AOAH: variants seen among roughly 807,000 people sequenced by gnomAD.
The protein encoded by AOAH is acyloxyacyl hydrolase.
In AOAH, 64 loss-of-function variants were observed where a neutral mutation model predicts 92.2. That is an observed-to-expected ratio of 0.69 (90% CI 0.57 to 0.86). The LOEUF (loss-of-function observed/expected upper bound fraction) is 0.86. AOAH is among the 40% of genes least tolerant of loss of function. AOAH has a pLI of 0.00. For missense variants in AOAH, 656 were observed against 694.6 expected (o/e 0.94, Z 0.62); for synonymous variants, 263 against 254.5 (o/e 1.03, Z -0.32).
At chr7:36,721,080 G>C (rs1226639613) in intron 1 of AOAH, among the ~76,000 whole-genome samples, 1 of 152,060 alleles carries the variant, frequency 6.6e-6, no homozygotes, top group Non-Finnish European at 1.5e-5. Context: ...TACACCCCAG[G>C]ATCCCGTATC....
chr7:36,640,204 A>T (rs1793809959), intron 4 of AOAH, among the ~76,000 whole-genome samples: 1 of 152,166 alleles, frequency 6.6e-6, no homozygotes, highest in Non-Finnish European at 1.5e-5. Flanking sequence ...GAGTGGGAAC[A>T]GAGTCCTGAT....
chr7:36,594,513 G>A (rs1446128710), intron 11 of AOAH, 83 bp from the exon 12 acceptor site: 2 of 1,135,730 alleles, frequency 1.8e-6, no homozygotes, highest in East Asian at 4.9e-5. Flanking sequence ...CCTGAGTGTT[G>A]CTCTCTGTGT....
chr7:36,548,618 C>A lies in AOAH; in HGVS notation c.1127G>T (p.Cys376Phe). ...CTTTTTCTCAATAACTCACCCACTG[C>A]AGACATCATTTCCAATCATGGCATA... ...VIYAMIGNDV[C>F]SGKSDPVPAM... The change falls in exon 15 of 21, where the codon TGC becomes TTC. Residue 376 changes from cysteine (C) to phenylalanine (F), a missense_variant. By Grantham distance (205) the Cys-to-Phe change is radical. Transcript: ENST00000617537. 6.2e-7 allele frequency: 1 copy of A among 1,613,394 alleles called. No individual in the cohort carries two copies. The highest frequency in any genetic ancestry group is 8.5e-7 in the Non-Finnish European group (1 of 1,179,418).
intron 12 of AOAH, among the ~76,000 whole-genome samples, chr7:36,587,667 C>T (rs1252402067): frequency 6.6e-6 from 1 of 152,078 alleles, no homozygotes; most frequent in Non-Finnish European, 1.5e-5. Flanking sequence ...CTACATATCA[C>T]ATTAGAAGAG....
At position 36,724,143 on chromosome 7, in the gene AOAH, C is replaced by T. The variant is rs149026099; in HGVS notation, c.6G>A (p.Gln2=). Residue 2 remains glutamine, a synonymous_variant, in exon 1 of 21, where the codon CAG becomes CAA. Coordinates refer to ENST00000617537, the MANE Select transcript of AOAH (RefSeq NM_001637.4). M[Q]SPWKILTVAP... ...CCACCGTAAGGATTTTCCAGGGGGACTGCATCTCCGAGCTATGCACCCCAA... is the reference window on the plus strand; with the variant it reads ...CCACCGTAAGGATTTTCCAGGGGGATTGCATCTCCGAGCTATGCACCCCAA... 788 of 1,613,182 alleles carry T rather than the reference C, an allele frequency of 4.9e-4. 7 individuals carry two copies. The East Asian group carries it at 0.016, about 33-fold the overall frequency.
intron 13 of AOAH, among the ~76,000 whole-genome samples, chr7:36,573,234 G>A (rs1020170503): frequency 6.6e-6 from 1 of 152,168 alleles, no homozygotes; most frequent in Non-Finnish European, 1.5e-5. Context: ...CAGTTCTTGG[G>A]TCCTTCCCTC....
At chr7:36,541,435 A>C (rs1785417576) in intron 15 of AOAH, among the ~76,000 whole-genome samples, 1 of 152,256 alleles carries the variant, frequency 6.6e-6, no homozygotes, top group South Asian at 2.1e-4. Context: ...GAAAGTGACG[A>C]ATCTTTACCC....
At chr7:36,612,494 C>A (rs189497046) in intron 11 of AOAH, among the ~76,000 whole-genome samples, 3 of 152,220 alleles carry the variant, frequency 2.0e-5, no homozygotes, top group Admixed American at 6.5e-5. Flanking sequence ...TAAATAAATA[C>A]CTCTGTGATG....
chr7:36,621,351 C>T (rs61009064), intron 8 of AOAH, among the ~76,000 whole-genome samples: 5,043 of 152,240 alleles, frequency 0.033, 283 homozygotes, highest in African/African-American at 0.11. Flanking sequence ...ATTTCTGGGC[C>T]CAATTCTGCA....
intron 15 of AOAH, among the ~76,000 whole-genome samples, chr7:36,542,880 AC>A (rs1454407231): frequency 1.3e-5 from 2 of 152,246 alleles, no homozygotes; most frequent in African/African-American, 4.8e-5. Flanking sequence ...GGTTAGTCTT[AC>A]ATTATGTGAA....
chr7:36,598,169 T>C (rs770208000), intron 11 of AOAH: 9 of 152,160 alleles, frequency 5.9e-5, no homozygotes, highest in Non-Finnish European at 1.3e-4. Flanking sequence ...ACCTGGGAGA[T>C]TCCTGGAATC....
chr7:36,542,283 G>A (rs1785473651), intron 15 of AOAH, among the ~76,000 whole-genome samples: 1 of 152,188 alleles, frequency 6.6e-6, no homozygotes, highest in Non-Finnish European at 1.5e-5. Context: ...TTTCCCTGGA[G>A]CTTTCAGAGG....
rs1271415735 is a variant in AOAH at position 36,648,705 on chromosome 7, G to C, written c.390+10461C>G. 2.0e-5 allele frequency among the ~76,000 whole-genome samples: 3 copies of C among 150,720 alleles called. No individual in the cohort carries two copies. The East Asian group carries it at 5.8e-4, about 29-fold the overall frequency. On this transcript the variant is annotated intron_variant, in intron 4 of 20. Transcript: ENST00000617537. ...GCTATAAGGTATAGATAAACATCTA[G>C]CTTAAATTTTTTTCAAATGTCTAGT...
chr7:36,522,003 A>T, intron 20 of AOAH, 36 bp downstream of exon 20: 1 of 1,566,040 alleles, frequency 6.4e-7, no homozygotes. Flanking sequence ...CAAACCATCA[A>T]ATAGCCTTCT....
intron 2 of AOAH, among the ~76,000 whole-genome samples, chr7:36,684,403 C>T (rs907515082): frequency 6.6e-6 from 1 of 152,122 alleles, no homozygotes; most frequent in Non-Finnish European, 1.5e-5. Context: ...AATGCACTAC[C>T]TTGAAAACTG....
rs546599904 is a variant in AOAH, at chr7:36,566,707, C to A, written c.1021+9867G>T. Among the ~76,000 whole-genome samples, 8 of 152,254 alleles carry A rather than the reference C, an allele frequency of 5.3e-5. No homozygotes were observed. The East Asian group carries it at 1.5e-3, about 29-fold the overall frequency. On this transcript the variant is annotated intron_variant, in intron 13 of 20. Coordinates refer to ENST00000617537, the MANE Select transcript of AOAH (RefSeq NM_001637.4). ...AGTCGGGTGAGTGGACTCAAGCATG[C>A]ACACTGAGAGGCAACATGGTGGCAT...
At chr7:36,593,104 C>T (rs1789863677) in intron 12 of AOAH, among the ~76,000 whole-genome samples, 1 of 152,272 alleles carries the variant, frequency 6.6e-6, no homozygotes, top group Non-Finnish European at 1.5e-5. Flanking sequence ...TTCCTCGGAG[C>T]CCCGTGGCTC....
intron 11 of AOAH, among the ~76,000 whole-genome samples, chr7:36,598,682 A>AT (rs1392193208): frequency 6.6e-6 from 1 of 152,234 alleles, no homozygotes; most frequent in African/African-American, 2.4e-5. Flanking sequence ...GAGCACACTA[A>AT]TAGAAGCCTT....
chr7:36,613,247 T>A (rs925913718), intron 11 of AOAH, among the ~76,000 whole-genome samples: 4 of 152,230 alleles, frequency 2.6e-5, no homozygotes, highest in African/African-American at 9.6e-5. Flanking sequence ...GCTGTTCCGC[T>A]TTTTCCTGAA....
Sources: allele counts gnomAD v4.1 joint callset (sites outside exome capture counted in the v4.1 genomes callset), GRCh38; gene constraint gnomAD v4.1.1; transcripts MANE v1.5; gene names NCBI Gene and HGNC (gene_info 2026-07-23, HGNC 2026-07-21).